The following DPP6 variants were observed in gnomAD, a reference collection of about 807,000 sequenced individuals.
DPP6 encodes the protein A-type potassium channel modulatory protein DPP6.
A neutral mutation model predicts 122.6 loss-of-function variants in DPP6; 69 were observed. That is an observed-to-expected ratio of 0.56 (90% CI 0.46 to 0.69). The LOEUF (loss-of-function observed/expected upper bound fraction) is 0.69. Among genes scored for constraint, DPP6 ranks in the 30% least tolerant of loss-of-function variants. DPP6 has a pLI of 0.00. For synonymous variants in DPP6, 418 were observed against 433.1 expected, an observed-to-expected ratio of 0.97 and a Z score of 0.43; for missense variants, 928 against 1,116.9, an observed-to-expected ratio of 0.83 and a Z score of 2.41.
chr7:154,840,413 C>G (rs1801429559), intron 16 of DPP6, among the ~76,000 whole-genome samples: 1 of 152,198 alleles, frequency 6.6e-6, no homozygotes, highest in African/African-American at 2.4e-5. Context: ...TTTCCAGTCT[C>G]CTCCTCACTA....
At chr7:153,847,706 A>C in the DPP6 span, among the ~76,000 whole-genome samples, 1 of 152,186 alleles carries the variant, frequency 6.6e-6, no homozygotes, top group African/African-American at 2.4e-5. Context: ...AATGGAGTTA[A>C]AATCTAAATT....
Position 154,665,122 on chromosome 7 carries a change from T to C in DPP6, c.681-4238T>C, listed in dbSNP as rs772390795. Among the ~76,000 whole-genome samples the C allele has an allele frequency of 2.2e-4, 33 of 152,330 alleles. No individual in the cohort carries two copies. In the East Asian group the frequency reaches 3.7e-3, roughly 17 times the overall value. On this transcript the variant is annotated intron_variant, in intron 6 of 25. Transcript: ENST00000377770. ...ACTTTTGAGGAGGACTGGTCAGTTATGTTGTAGTGTCCCTCAATTTGGGTT... is the reference window on the plus strand; with the variant it reads ...ACTTTTGAGGAGGACTGGTCAGTTACGTTGTAGTGTCCCTCAATTTGGGTT...
intron 16 of DPP6, among the ~76,000 whole-genome samples, chr7:154,829,167 G>A (rs1027589374): frequency 1.3e-5 from 2 of 151,888 alleles, no homozygotes; most frequent in Non-Finnish European, 2.9e-5. Context: ...TGGATCGCTT[G>A]AGCTCAAGAG....
At chr7:154,585,876 A>G (rs1832409203) in intron 5 of DPP6, among the ~76,000 whole-genome samples, 1 of 152,104 alleles carries the variant, frequency 6.6e-6, no homozygotes. Context: ...TTGGGGCGGG[A>G]GCCTACAGGA....
chr7:154,622,469 G>T (rs1259818274), intron 5 of DPP6, among the ~76,000 whole-genome samples: 1 of 152,196 alleles, frequency 6.6e-6, no homozygotes, highest in Non-Finnish European at 1.5e-5. Flanking sequence ...TCTGTACAGG[G>T]TCTGGTTGGA....
chr7:154,540,038 T>C (rs926213530), intron 3 of DPP6, among the ~76,000 whole-genome samples: 3 of 152,098 alleles, frequency 2.0e-5, no homozygotes, highest in African/African-American at 7.3e-5. Context: ...CTATGAGATG[T>C]ATAGATTCAA....
intron 1 of DPP6, among the ~76,000 whole-genome samples, chr7:153,911,027 A>T (rs1800068064): frequency 6.6e-6 from 1 of 152,166 alleles, no homozygotes; most frequent in Admixed American, 6.5e-5. Flanking sequence ...ATCGTTTTAG[A>T]CACGGGTCAG....
At chr7:154,582,058 G>T (rs535708600) in intron 5 of DPP6, among the ~76,000 whole-genome samples, 5 of 152,142 alleles carry the variant, frequency 3.3e-5, no homozygotes, top group Non-Finnish European at 7.3e-5. Flanking sequence ...TCGGTGCCCT[G>T]CTCACTGTGA....
At chr7:154,510,060 T>C (rs994992449) in intron 3 of DPP6, among the ~76,000 whole-genome samples, 2 of 152,218 alleles carry the variant, frequency 1.3e-5, no homozygotes, top group African/African-American at 4.8e-5. Context: ...ACCATTAAAT[T>C]GTGCACTTTA....
chr7:153,889,716 C>G (rs574689799), intron 1 of DPP6, among the ~76,000 whole-genome samples: 1 of 152,300 alleles, frequency 6.6e-6, no homozygotes, highest in South Asian at 2.1e-4. Context: ...TGCATCCCTT[C>G]CCCTGTGTCT....
At chr7:154,138,635 A>G (rs1286992867) in intron 1 of DPP6, among the ~76,000 whole-genome samples, 1 of 151,818 alleles carries the variant, frequency 6.6e-6, no homozygotes, top group Non-Finnish European at 1.5e-5. Context: ...TGAAACTGGT[A>G]CTGTCATAGG....
intron 1 of DPP6, among the ~76,000 whole-genome samples, chr7:154,338,999 G>A (rs1298539894): frequency 6.6e-6 from 1 of 152,170 alleles, no homozygotes; most frequent in Non-Finnish European, 1.5e-5. Context: ...AGCATCTAAC[G>A]TTGCTATTTA....
chr7:154,595,874 C>T (rs1382165802), intron 5 of DPP6, among the ~76,000 whole-genome samples: 2 of 152,172 alleles, frequency 1.3e-5, no homozygotes, highest in African/African-American at 4.8e-5. Flanking sequence ...GCCTGGCCAA[C>T]ATGGTGAAAC....
chr7:154,395,107 A>G (rs146981419), intron 1 of DPP6, among the ~76,000 whole-genome samples: 62 of 152,314 alleles, frequency 4.1e-4, no homozygotes, highest in African/African-American at 1.4e-3. Context: ...CAGATTTCAC[A>G]TCTGATGAGG....
intron 10 of DPP6, among the ~76,000 whole-genome samples, chr7:154,775,532 G>A (rs1796507260): frequency 6.6e-6 from 1 of 152,108 alleles, no homozygotes; most frequent in Admixed American, 6.5e-5. Flanking sequence ...ATCAACATGT[G>A]TCCAAGACTT....
At chr7:154,279,617 G>A (rs533919647) in intron 1 of DPP6, among the ~76,000 whole-genome samples, 8 of 152,326 alleles carry the variant, frequency 5.3e-5, no homozygotes, top group African/African-American at 1.4e-4. Flanking sequence ...TTACGTTCAC[G>A]TTGCAAAGTC....
chr7:154,889,583 T>C (rs986493882), intron 25 of DPP6, 53 bp downstream of exon 25: 31 of 1,567,060 alleles, frequency 2.0e-5, no homozygotes, highest in East Asian at 2.4e-5. Context: ...ATTCCTTTCA[T>C]GGAGAAAGAC....
At chr7:154,242,803 G>C (rs1334542504) in intron 1 of DPP6, among the ~76,000 whole-genome samples, 1 of 152,194 alleles carries the variant, frequency 6.6e-6, no homozygotes, top group Non-Finnish European at 1.5e-5. Context: ...CTCATTGCTG[G>C]TTTTTGGCTG....
At chr7:154,708,667 A>C (rs1293776238) in intron 7 of DPP6, among the ~76,000 whole-genome samples, 1 of 152,348 alleles carries the variant, frequency 6.6e-6, no homozygotes, top group Non-Finnish European at 1.5e-5. Flanking sequence ...CGATAAAAAA[A>C]CCAAAAGACT....
Sources: allele counts gnomAD v4.1 joint callset (sites outside exome capture counted in the v4.1 genomes callset), GRCh38; gene constraint gnomAD v4.1.1; transcripts MANE v1.5; gene names NCBI Gene and HGNC (gene_info 2026-07-23, HGNC 2026-07-21).